Variants in CKM observed in about 807,000 individuals in gnomAD.
The protein encoded by CKM is creatine kinase M-type.
Under a neutral mutation model 35.4 loss-of-function variants are expected in CKM, and 28 were observed. The ratio of observed to expected loss-of-function variants is 0.79; its 90% CI spans 0.59 to 1.08. CKM has a LOEUF of 1.08. CKM is among the 50% of genes least tolerant of loss of function. The pLI, the probability that CKM is intolerant of heterozygous loss-of-function variation, is 0.00. For synonymous variants in CKM, 215 were observed against 204.4 expected (o/e 1.05, Z -0.44); for missense variants, 484 against 509.8 (o/e 0.95, Z 0.49).
At chr19:45,322,076 G>C (rs1971218038) in intron 1 of CKM, among the ~76,000 whole-genome samples, 1 of 152,096 alleles carries the variant, frequency 6.6e-6, no homozygotes, top group Non-Finnish European at 1.5e-5. Flanking sequence ...GTGGGCCAGG[G>C]TGGCTGGGAG....
At chr19:45,320,898 A>ATTT (rs1568513457) in intron 1 of CKM, among the ~76,000 whole-genome samples, 1 of 150,874 alleles carries the variant, frequency 6.6e-6, no homozygotes, top group African/African-American at 2.4e-5. Context: ...TGCTATTATT[A>ATTT]TTATTATTAT....
chr19:45,317,723 C>T, intron 3 of CKM, 102 bp downstream of exon 3: 2 of 1,313,430 alleles, frequency 1.5e-6, no homozygotes, highest in African/African-American at 1.5e-5. Flanking sequence ...CTCCACACCT[C>T]TGTGTCTCTC....
At position 45,306,798 on chromosome 19, in the gene CKM, C is replaced by G. The variant is rs1971056153; in HGVS notation, c.1098G>C (p.Lys366Asn). 1 of 1,614,060 alleles carries G rather than the reference C, an allele frequency of 6.2e-7. No individual in the cohort carries two copies. Among genetic ancestry groups the G allele is most frequent in the Non-Finnish European group, 8.5e-7 (1 of 1,179,928 alleles). Reference protein sequence around the residue: ...GVKLMVEMEKKLEKGQSIDDM... With the variant: ...GVKLMVEMEKNLEKGQSIDDM... Reference sequence around the variant, plus strand: ...CGTCAATGGACTGGCCTTTCTCCAACTTCTTCTCCATTTCCACCATGAGCT... The same window carrying G: ...CGTCAATGGACTGGCCTTTCTCCAAGTTCTTCTCCATTTCCACCATGAGCT... Residue 366 changes from lysine (K) to asparagine (N), a missense_variant, in exon 8 of 8, where the codon AAG becomes AAC. Transcript: ENST00000221476. The surrounding 1 kb of genome is among the most constrained non-coding windows in gnomAD (Gnocchi z 4.5).
chr19:45,310,987 A>G (rs1336167536), intron 5 of CKM, among the ~76,000 whole-genome samples: 18 of 124,962 alleles, frequency 1.4e-4, no homozygotes, highest in South Asian at 5.0e-4. Context: ...TCACCGTGTT[A>G]GCCAGGATGG....
At chr19:45,311,140 A>T (rs1647135588) in intron 5 of CKM, among the ~76,000 whole-genome samples, 1 of 145,828 alleles carries the variant, frequency 6.9e-6, no homozygotes, top group Admixed American at 6.8e-5. Flanking sequence ...CTGGTCTAGA[A>T]CTCCTGGGCA....
intron 1 of CKM, among the ~76,000 whole-genome samples, chr19:45,320,084 C>T (rs569908547): frequency 4.7e-5 from 7 of 149,350 alleles, no homozygotes; most frequent in South Asian, 2.1e-4. Flanking sequence ...CCACTGCACC[C>T]GGCCTTTTCT....
At chr19:45,319,379 T>A in intron 2 of CKM, 142 bp downstream of exon 2, 1 of 671,200 alleles carries the variant, frequency 1.5e-6, no homozygotes, top group Non-Finnish European at 2.7e-6. Flanking sequence ...TGTATATTAA[T>A]GCATTGATTC....
At chr19:45,308,662 G>T in intron 5 of CKM, 130 bp from the exon 6 acceptor site, 1 of 1,162,264 alleles carries the variant, frequency 8.6e-7, no homozygotes, top group Non-Finnish European at 1.3e-6. Flanking sequence ...GGTGGCATCT[G>T]CCTCCTCAAA....
At chr19:45,317,702 T>A in intron 3 of CKM, 123 bp downstream of exon 3, 1 of 1,115,770 alleles carries the variant, frequency 9.0e-7, no homozygotes, top group Admixed American at 2.0e-5. Context: ...TCTCTTTCCA[T>A]CTCTCTGCTT....
chr19:45,314,695 G>A (rs900070609), intron 4 of CKM, among the ~76,000 whole-genome samples: 7 of 152,004 alleles, frequency 4.6e-5, no homozygotes, highest in African/African-American at 1.7e-4. Context: ...ATTACGGTGT[G>A]AGCCACTGTG....
chr19:45,310,171 A>G (rs1165347288), intron 5 of CKM, among the ~76,000 whole-genome samples: 14 of 113,264 alleles, frequency 1.2e-4, no homozygotes, highest in Non-Finnish European at 2.1e-4. Flanking sequence ...CCCAGGCTGG[A>G]GTGCAGTGAT....
In CKM at chr19:45,315,510, A is replaced by C; in HGVS notation, c.436T>G (p.Cys146Gly). Reference protein sequence around the residue: ...SIKGYTLPPHCSRGERRAVEK... With the variant: ...SIKGYTLPPHGSRGERRAVEK... ...ACCGCCCGGCGCTCGCCACGGGAGC[A>C]GTGTGGGGGCAACGTGTAGCCCTTG... Residue 146 changes from cysteine to glycine, a missense_variant, in exon 4 of 8, where the codon TGC becomes GGC. Transcript: ENST00000221476. 6.2e-7 allele frequency: 1 copy of C among 1,600,740 alleles called. No individual in the cohort carries two copies.
At chr19:45,311,164 T>C (rs1971105978) in intron 5 of CKM, among the ~76,000 whole-genome samples, 1 of 150,428 alleles carries the variant, frequency 6.6e-6, no homozygotes, top group Non-Finnish European at 1.5e-5. Context: ...GCGACCCTCC[T>C]GCTGCAGCCT....
At chr19:45,321,102 C>A in intron 1 of CKM, among the ~76,000 whole-genome samples, 1 of 149,778 alleles carries the variant, frequency 6.7e-6, no homozygotes, top group African/African-American at 2.5e-5. Flanking sequence ...TGGGGTTTCG[C>A]CATGTTGGCC....
intron 2 of CKM, among the ~76,000 whole-genome samples, chr19:45,318,849 T>A (rs1971184168): frequency 6.7e-6 from 1 of 148,644 alleles, no homozygotes; most frequent in Non-Finnish European, 1.5e-5. Flanking sequence ...ATTAATAACA[T>A]CCCCTGTCAG....
At chr19:45,310,116 CTT>C (rs56240150) in intron 5 of CKM, among the ~76,000 whole-genome samples, 2 of 93,922 alleles carry the variant, frequency 2.1e-5, no homozygotes, top group African/African-American at 4.3e-5. Context: ...CCAGGCACTG[CTT>C]TTTTTTTTTT....
chr19:45,317,634 C>T (rs2123142955), intron 3 of CKM, among the ~76,000 whole-genome samples, 191 bp downstream of exon 3: 1 of 151,472 alleles, frequency 6.6e-6, no homozygotes, highest in Admixed American at 6.6e-5. Context: ...GTTGGCCAGG[C>T]TGGTCTTGAA....
chr19:45,315,596 C>T lies in CKM; in HGVS notation c.350G>A (p.Gly117Asp), dbSNP rs1219871446. ...KTDLNHENLK[G>D]GDDLDPNYVL... ...GTAGTTAGGGTCCAGGTCGTCTCCACCCTGGAGAGCGGGTGGGAGATCAGG... is the reference window on the plus strand; with the variant it reads ...GTAGTTAGGGTCCAGGTCGTCTCCATCCTGGAGAGCGGGTGGGAGATCAGG... Residue 117 changes from glycine to aspartate, a missense_variant and splice_region_variant, in exon 4 of 8, where the codon GGT becomes GAT. Physicochemically the swap from Gly to Asp is moderately conservative, Grantham distance 94 (BLOSUM62 -1). Transcript: ENST00000221476. 1.2e-6 allele frequency: 2 copies of T among 1,603,414 alleles called. No individual in the cohort carries two copies. Among genetic ancestry groups the T allele is most frequent in the Admixed American group, 1.7e-5 (1 of 60,020 alleles).
chr19:45,319,595 T>C lies in CKM; in HGVS notation c.119A>G (p.Lys40Arg), dbSNP rs1377369185. The change falls in exon 2 of 8, where the codon AAG (lysine) becomes AGG (arginine). Residue 40 changes from lysine (K) to arginine (R), a missense_variant. Transcript: ENST00000221476. The part of the protein sequence containing the change: ...MAKVLTLELY[K>R]KLRDKETPSG... ...TGGAGTCTCCTTGTCCCGCAGCTTC[T>C]TGTAGAGTTCAAGGGTCAGTACCTT... 1.5e-5 allele frequency: 24 copies of C among 1,614,100 alleles called. No homozygotes were observed. The highest frequency in any genetic ancestry group is 2.0e-5 in the Non-Finnish European group (24 of 1,180,028).
Sources: gnomAD v4.1 joint callset for allele counts (sites outside exome capture counted in the v4.1 genomes callset) on GRCh38, gnomAD v4.1.1 for gene constraint, Gnocchi (gnomAD v3.1) non-coding constraint, MANE v1.5 for transcripts, NCBI Gene and HGNC (gene_info 2026-07-23, HGNC 2026-07-21) for gene names.